COQ3: variants seen among roughly 807,000 people sequenced by gnomAD.
The protein encoded by COQ3 is ubiquinone biosynthesis O-methyltransferase, mitochondrial.
COQ3 carries 29 observed loss-of-function variants against 33.1 expected under a neutral mutation model. The ratio of observed to expected loss-of-function variants is 0.88; its 90% confidence interval spans 0.65 to 1.19. The LOEUF (loss-of-function observed/expected upper bound fraction) is 1.19, where lower values mean the gene tolerates loss of function less well. Among genes scored for constraint, COQ3 ranks in the 50% most tolerant of loss-of-function variants. COQ3 has a pLI of 0.00. For synonymous variants in COQ3, 173 were observed against 157.8 expected (o/e 1.10, Z -0.72); for missense variants, 437 against 430.7 (o/e 1.01, Z -0.13).
Position 99,377,456 on chromosome 6 carries a change from T to G in COQ3, c.416A>C (p.His139Pro). ...RDNLLKTIPN[H>P]QPGKPLLGMK... is the part of the protein sequence containing the mutation. ...CCCCAACAAAGGTTTTCCTGGCTGG[T>G]GATTAGGAATTGTTTTCAGAAGATT... The change falls in exon 4 of 7, where the codon CAC becomes CCC. Residue 139 changes from histidine to proline, a missense_variant. Coordinates refer to ENST00000254759, the MANE Select transcript of COQ3 (RefSeq NM_017421.4). The G allele has an allele frequency of 6.2e-7, 1 of 1,612,880 alleles. No individual in the cohort carries two copies. Among genetic ancestry groups the G allele is most frequent in the Non-Finnish European group, 8.5e-7 (1 of 1,179,448 alleles).
intron 3 of COQ3, 44 bp downstream of exon 3, chr6:99,380,145 T>TAA (rs1275122956): frequency 2.6e-6 from 4 of 1,563,158 alleles, no homozygotes; most frequent in Non-Finnish European, 2.6e-6. Flanking sequence ...TATGAATTCT[T>TAA]AAAAAGTTCC....
chr6:99,391,105 T>TGA (rs1425826883), intron 1 of COQ3, among the ~76,000 whole-genome samples: 5 of 133,760 alleles, frequency 3.7e-5, no homozygotes, highest in Middle Eastern at 3.6e-3. Context: ...ATTTATTTAT[T>TGA]TATTTATTTA....
rs1562210368 is a variant in COQ3, at chr6:99,388,922, CACACACA to C, written c.107-5105_107-5099del. Reference sequence around the variant, plus strand: ...ACACACACACACACACACACACACACACACACACACACCCACATCCTCACTCTCTCCC... The same window carrying C: ...ACACACACACACACACACACACACACCACACCCACATCCTCACTCTCTCCC... On this transcript the variant is annotated intron_variant, in intron 1 of 6. Coordinates refer to ENST00000254759, the MANE Select transcript of COQ3 (RefSeq NM_017421.4). Among the ~76,000 whole-genome samples, 1,269 of 149,396 alleles carry C rather than the reference CACACACA, an allele frequency of 8.5e-3. 13 individuals carry two copies. The highest frequency in any genetic ancestry group is 0.029 in the African/African-American group (1,189 of 41,254).
chr6:99,393,225 A>G (rs1774879193), intron 1 of COQ3, among the ~76,000 whole-genome samples: 1 of 152,106 alleles, frequency 6.6e-6, no homozygotes, highest in South Asian at 2.1e-4. Context: ...CCAGGAAACA[A>G]TGAAACTTTA....
At position 99,371,539 on chromosome 6, in the gene COQ3, A is replaced by G. The variant is rs1562200687; in HGVS notation, c.778T>C (p.Tyr260His). Residue 260 changes from tyrosine (Y) to histidine (H), a missense_variant, in exon 6 of 7, where the codon TAT becomes CAT. Tyr to His is a moderately conservative substitution (Grantham distance 83). Coordinates refer to ENST00000254759, the MANE Select transcript of COQ3 (RefSeq NM_017421.4). ...ITTINKTQLSYALGIVFSEQI... is the reference protein window; with the variant it reads ...ITTINKTQLSHALGIVFSEQI... ...TCTGAAAAAACAATTCCCAAGGCAT[A>G]GGAAAGTTGTGTTTTGTTGATTGTA... The G allele has an allele frequency of 1.2e-6, 2 of 1,607,358 alleles. No homozygotes were observed. The highest frequency in any genetic ancestry group is 1.7e-6 in the Non-Finnish European group (2 of 1,176,760).
chr6:99,373,215 A>G (rs1204143410), intron 5 of COQ3, among the ~76,000 whole-genome samples: 1 of 152,174 alleles, frequency 6.6e-6, no homozygotes, highest in African/African-American at 2.4e-5. Context: ...GCTCGAGACC[A>G]GGAGTTCAAG....
intron 1 of COQ3, among the ~76,000 whole-genome samples, chr6:99,387,688 C>T (rs577170177): frequency 6.6e-6 from 1 of 152,272 alleles, no homozygotes; most frequent in Admixed American, 6.5e-5. Flanking sequence ...AAGGTAAACA[C>T]ATCCATTCTC....
At chr6:99,388,903 A>G (rs1425917082) in intron 1 of COQ3, among the ~76,000 whole-genome samples, 3,995 of 140,452 alleles carry the variant, frequency 0.028, 107 homozygotes, top group Non-Finnish European at 0.039. Context: ...ACACACACAC[A>G]CACACACACA....
rs762616170 is a variant in COQ3 at position 99,371,512 on chromosome 6, G to T, written c.805C>A (p.Gln269Lys). 6.2e-7 allele frequency: 1 copy of T among 1,605,894 alleles called. No individual in the cohort carries two copies. Among genetic ancestry groups the T allele is most frequent in the Non-Finnish European group, 8.5e-7 (1 of 1,175,188 alleles). The stretch of plus-strand genomic sequence containing the variant: ...CCTTTTGGTACAATACTTGCAATTT[G>T]CTCTGAAAAAACAATTCCCAAGGCA... ...SYALGIVFSE[Q>K]IASIVPKGTH... The change falls in exon 6 of 7, where the codon CAA becomes AAA. Residue 269 changes from glutamine (Q) to lysine (K), a missense_variant. Transcript: ENST00000254759.
intron 2 of COQ3, among the ~76,000 whole-genome samples, chr6:99,382,846 A>G (rs1582725948): frequency 6.6e-6 from 1 of 152,062 alleles, no homozygotes; most frequent in African/African-American, 2.4e-5. Flanking sequence ...CCAGCTACTC[A>G]GGAGACTGAG....
chr6:99,383,216 C>G (rs1774523089), intron 2 of COQ3: 1 of 152,200 alleles, frequency 6.6e-6, no homozygotes, highest in South Asian at 2.1e-4. Flanking sequence ...TTATAAAATA[C>G]AAATACAGAA....
intron 2 of COQ3, among the ~76,000 whole-genome samples, chr6:99,382,030 A>G (rs1266394276): frequency 6.6e-6 from 1 of 151,380 alleles, no homozygotes; most frequent in East Asian, 1.9e-4. Context: ...GTACTTCTTC[A>G]TGGGGCTATG....
chr6:99,391,075 T>TTTTATTTATTTATTTA (rs60755408), intron 1 of COQ3, among the ~76,000 whole-genome samples: 120 of 139,254 alleles, frequency 8.6e-4, no homozygotes, highest in South Asian at 2.7e-3. Flanking sequence ...CTTTTGCTCA[T>TTTTATTTATTTATTTA]TTTATTTATT....
Position 99,394,097 on chromosome 6 carries a change from G to A in COQ3, c.83C>T (p.Ala28Val), listed in dbSNP as rs779393775. 4.3e-6 allele frequency: 7 copies of A among 1,613,558 alleles called. No homozygotes were observed. Among genetic ancestry groups the A allele is most frequent in the Non-Finnish European group, 5.1e-6 (6 of 1,179,826 alleles). ...LGPGGCNTKA[A>V]RPLISSAVYV... ...ACCCGCCGAGGAAATTAAGGGACGCGCAGCTTTTGTATTACAGCCTCCAGG... is the reference window on the plus strand; with the variant it reads ...ACCCGCCGAGGAAATTAAGGGACGCACAGCTTTTGTATTACAGCCTCCAGG... The change falls in exon 1 of 7, where the codon GCG becomes GTG. Residue 28 changes from alanine (A) to valine (V), a missense_variant. Transcript: ENST00000254759.
chr6:99,385,921 G>A (rs1378158414), intron 1 of COQ3, among the ~76,000 whole-genome samples: 2 of 145,904 alleles, frequency 1.4e-5, no homozygotes, highest in Non-Finnish European at 3.0e-5. Context: ...AGGTTGCAGT[G>A]AGCCAAGATT....
At chr6:99,386,048 A>G (rs1348788294) in intron 1 of COQ3, among the ~76,000 whole-genome samples, 2 of 151,818 alleles carry the variant, frequency 1.3e-5, no homozygotes, top group Non-Finnish European at 1.5e-5. Flanking sequence ...CCTCGAATCA[A>G]CAATCTAAGT....
At chr6:99,380,447 T>A in intron 2 of COQ3, 106 bp from the exon 3 acceptor site, 1 of 1,203,022 alleles carries the variant, frequency 8.3e-7, no homozygotes, top group Non-Finnish European at 1.2e-6. Context: ...TATTATATTC[T>A]AAATCTGTAT....
chr6:99,389,405 G>A (rs1050837869), intron 1 of COQ3, among the ~76,000 whole-genome samples: 3 of 152,116 alleles, frequency 2.0e-5, no homozygotes, highest in African/African-American at 2.4e-5. Flanking sequence ...GAATACAGAC[G>A]TGAGCCACCG....
intron 1 of COQ3, among the ~76,000 whole-genome samples, chr6:99,384,837 G>A (rs773751080): frequency 3.9e-5 from 6 of 152,076 alleles, no homozygotes; most frequent in Non-Finnish European, 7.4e-5. Flanking sequence ...CCAGCAAGGC[G>A]CAGTGGCTCA....
Sources: allele counts gnomAD v4.1 joint callset (sites outside exome capture counted in the v4.1 genomes callset), GRCh38; gene constraint gnomAD v4.1.1; transcripts MANE v1.5; gene names NCBI Gene and HGNC (gene_info 2026-07-23, HGNC 2026-07-21).